Variants in BCL2 observed in about 807,000 individuals in gnomAD.
BCL2 encodes apoptosis regulator Bcl-2.
In BCL2, 1 loss-of-function variant was observed where a neutral mutation model predicts 14.2. The observed-to-expected ratio is 0.07, with a 90% CI of 0.02 to 0.33. The LOEUF (loss-of-function observed/expected upper bound fraction) is 0.33. BCL2 is among the 10% of genes least tolerant of loss of function. BCL2 has a pLI of 0.99. For synonymous variants in BCL2, 151 were observed against 137.2 expected, an observed-to-expected ratio of 1.10 and a Z score of -0.70; for missense variants, 247 against 305.9, an observed-to-expected ratio of 0.81 and a Z score of 1.44.
At chr18:63,244,140 G>C (rs117197509) in intron 2 of BCL2, among the ~76,000 whole-genome samples, 9 of 152,136 alleles carry the variant, frequency 5.9e-5, no homozygotes, top group African/African-American at 1.7e-4. Context: ...AGCATTTTGC[G>C]AGGCCGAGGT....
chr18:63,124,058 C>T lies in BCL2; in HGVS notation c.*4567G>A. ...CTGGGGCAGTCCAGATGAACCGGTACAGTACCATTCATGCTCCATCTGATT... is the reference window on the plus strand; with the variant it reads ...CTGGGGCAGTCCAGATGAACCGGTATAGTACCATTCATGCTCCATCTGATT... On this transcript the variant is annotated 3_prime_UTR_variant, in exon 3 of 3. Coordinates refer to ENST00000333681, the MANE Select transcript of BCL2 (RefSeq NM_000633.3). 1 of 221,900 alleles carries T rather than the reference C, an allele frequency of 4.5e-6. No individual in the cohort carries two copies. Among genetic ancestry groups the T allele is most frequent in the East Asian group, 6.5e-5 (1 of 15,342 alleles). The allele number at this position is 221,900 out of a possible 1,614,324, so 13.7% of individuals were successfully genotyped here.
intron 2 of BCL2, among the ~76,000 whole-genome samples, chr18:63,302,043 G>C (rs979598316): frequency 6.6e-6 from 1 of 152,160 alleles, no homozygotes. Context: ...AAGAGAGGAG[G>C]CCAGGTGTGG....
intron 2 of BCL2, among the ~76,000 whole-genome samples, chr18:63,179,089 T>C (rs1281964544): frequency 6.6e-6 from 1 of 152,172 alleles, no homozygotes; most frequent in African/African-American, 2.4e-5. Flanking sequence ...TGCTTGGGAA[T>C]CTTGGAGCAG....
At chr18:63,248,277 T>C (rs1375062503) in intron 2 of BCL2, among the ~76,000 whole-genome samples, 1 of 152,232 alleles carries the variant, frequency 6.6e-6, no homozygotes, top group Non-Finnish European at 1.5e-5. Flanking sequence ...CCCAGTAAAA[T>C]CTGCCATCAG....
chr18:63,252,632 T>C (rs759715923), intron 2 of BCL2, among the ~76,000 whole-genome samples: 1 of 152,226 alleles, frequency 6.6e-6, no homozygotes, highest in Non-Finnish European at 1.5e-5. Flanking sequence ...CCACCATCCA[T>C]GTAAGATGTG....
intron 2 of BCL2, among the ~76,000 whole-genome samples, chr18:63,183,077 G>A (rs12968867): frequency 0.59 from 89,225 of 152,056 alleles, 28,208 homozygotes; most frequent in Non-Finnish European, 0.72. Flanking sequence ...CACACTGATG[G>A]TGGGGCTCAG....
chr18:63,123,760 G>T lies in BCL2; in HGVS notation c.*4865C>A, dbSNP rs1056910654. 2 of 218,202 alleles carry T rather than the reference G, an allele frequency of 9.2e-6. No homozygotes were observed. Among genetic ancestry groups the T allele is most frequent in the Non-Finnish European group, 1.8e-5 (2 of 108,504 alleles). The allele number at this position is 218,202 out of a possible 1,614,324, so 13.5% of individuals were successfully genotyped here. ...CCACCAAAAGAAAGCTTCCCCAAAA[G>T]AAATGCAATCCACTGTCACTCTTGC... On this transcript the variant is annotated 3_prime_UTR_variant, in exon 3 of 3. Coordinates refer to ENST00000333681, the MANE Select transcript of BCL2 (RefSeq NM_000633.3).
chr18:63,289,094 T>A (rs985094615), intron 2 of BCL2, among the ~76,000 whole-genome samples: 5 of 152,180 alleles, frequency 3.3e-5, no homozygotes, highest in African/African-American at 1.2e-4. Flanking sequence ...CTCTTACTAA[T>A]GTGAGGCCTT....
intron 2 of BCL2, among the ~76,000 whole-genome samples, chr18:63,220,254 C>T (rs952661779): frequency 6.6e-6 from 1 of 151,918 alleles, no homozygotes; most frequent in Non-Finnish European, 1.5e-5. Context: ...TCAAGGTGAT[C>T]TAGAACATAA....
At chr18:63,155,104 C>CG (rs1360632692) in intron 2 of BCL2, among the ~76,000 whole-genome samples, 3 of 152,164 alleles carry the variant, frequency 2.0e-5, no homozygotes, top group Admixed American at 1.3e-4. Context: ...AATAAGAGGA[C>CG]GCTACAACAT....
chr18:63,310,997 TGCCAATGCTGCC>T (rs1399362859), intron 2 of BCL2, among the ~76,000 whole-genome samples: 2 of 151,730 alleles, frequency 1.3e-5, no homozygotes, highest in African/African-American at 4.8e-5. Context: ...CATCCAGAAA[TGCCAATGCTGCC>T]ATCCTTTATG....
At chr18:63,254,284 G>A (rs368612975) in intron 2 of BCL2, among the ~76,000 whole-genome samples, 1 of 145,758 alleles carries the variant, frequency 6.9e-6, no homozygotes, top group Admixed American at 7.3e-5. Flanking sequence ...GGTGGCTCAC[G>A]TCTATAATCC....
At chr18:63,171,004 G>A (rs980026894) in intron 2 of BCL2, among the ~76,000 whole-genome samples, 1 of 152,158 alleles carries the variant, frequency 6.6e-6, no homozygotes, top group Non-Finnish European at 1.5e-5. Context: ...GAAAAGGAAC[G>A]ATTTATTTTT....
At chr18:63,213,553 C>CAT (rs1568235993) in intron 2 of BCL2, among the ~76,000 whole-genome samples, 81 of 105,302 alleles carry the variant, frequency 7.7e-4, no homozygotes, top group African/African-American at 2.6e-3. Flanking sequence ...CATAAACACA[C>CAT]ACACACACAC....
chr18:63,254,854 A>G (rs1010393281), intron 2 of BCL2, among the ~76,000 whole-genome samples: 1 of 152,150 alleles, frequency 6.6e-6, no homozygotes. Context: ...CGGGTAGTGC[A>G]CTCTGTTCAA....
intron 2 of BCL2, among the ~76,000 whole-genome samples, chr18:63,194,665 T>C (rs1909394396): frequency 6.6e-6 from 1 of 152,190 alleles, no homozygotes; most frequent in Non-Finnish European, 1.5e-5. Context: ...TACAAAAAAA[T>C]CAGCAGATAA....
At chr18:63,201,259 T>C (rs1015846396) in intron 2 of BCL2, among the ~76,000 whole-genome samples, 1 of 152,196 alleles carries the variant, frequency 6.6e-6, no homozygotes, top group Non-Finnish European at 1.5e-5. Flanking sequence ...CACCCAATTC[T>C]GACATTTAAG....
At chr18:63,224,804 C>A (rs1172942488) in intron 2 of BCL2, among the ~76,000 whole-genome samples, 1 of 152,158 alleles carries the variant, frequency 6.6e-6, no homozygotes, top group East Asian at 1.9e-4. Context: ...GGCCAGCAGA[C>A]CAAGAGCAAG....
At chr18:63,298,170 T>C (rs984321648) in intron 2 of BCL2, among the ~76,000 whole-genome samples, 1 of 152,126 alleles carries the variant, frequency 6.6e-6, no homozygotes, top group South Asian at 2.1e-4. Flanking sequence ...GGTAAATGAG[T>C]GAAGGAACTC....
Sources: allele counts gnomAD v4.1 joint callset (sites outside exome capture counted in the v4.1 genomes callset), GRCh38; gene constraint gnomAD v4.1.1; transcripts MANE v1.5; gene names NCBI Gene and HGNC (gene_info 2026-07-23, HGNC 2026-07-21).